Variants in LRRTM4 observed in about 807,000 individuals in gnomAD.
LRRTM4 encodes the protein leucine-rich repeat transmembrane neuronal protein 4.
In LRRTM4, 25 loss-of-function variants were observed where a neutral mutation model predicts 47.6. That is an observed-to-expected ratio of 0.53 (90% CI 0.38 to 0.73). LRRTM4 has a LOEUF of 0.73. Ranked by LOEUF, LRRTM4 falls within the 30% of genes least tolerant of loss-of-function variation. The pLI is 0.00. For synonymous variants in LRRTM4, 311 were observed against 269.5 expected (o/e 1.15, Z -1.51); for missense variants, 638 against 713.4 (o/e 0.89, Z 1.20).
chr2:77,166,468 A>G (rs556771389), intron 3 of LRRTM4, among the ~76,000 whole-genome samples: 1 of 152,172 alleles, frequency 6.6e-6, no homozygotes, highest in African/African-American at 2.4e-5. Flanking sequence ...TAAAGTTCAT[A>G]TGGAAGCAAA....
intron 3 of LRRTM4, among the ~76,000 whole-genome samples, chr2:77,358,482 C>G (rs1162568481): frequency 6.6e-6 from 1 of 152,162 alleles, no homozygotes; most frequent in Non-Finnish European, 1.5e-5. Flanking sequence ...CCAAACACCT[C>G]TCATTAGGCC....
chr2:77,425,244 C>G (rs1055684029), intron 3 of LRRTM4, among the ~76,000 whole-genome samples: 1 of 152,122 alleles, frequency 6.6e-6, no homozygotes, highest in African/African-American at 2.4e-5. Context: ...CTTGTAAGAA[C>G]TCTCTGTATT....
intron 3 of LRRTM4, among the ~76,000 whole-genome samples, chr2:77,121,290 G>A (rs1671515059): frequency 6.6e-6 from 1 of 151,688 alleles, no homozygotes; most frequent in South Asian, 2.1e-4. Flanking sequence ...GCTTTTCATT[G>A]TTATAAAGAT....
At chr2:77,399,199 T>A (rs564167691) in intron 3 of LRRTM4, among the ~76,000 whole-genome samples, 2 of 151,352 alleles carry the variant, frequency 1.3e-5, no homozygotes, top group African/African-American at 4.8e-5. Flanking sequence ...AAAATATTTT[T>A]AAATTAATTA....
chr2:76,861,757 C>G (rs1456513072), intron 3 of LRRTM4, among the ~76,000 whole-genome samples: 1 of 152,138 alleles, frequency 6.6e-6, no homozygotes, highest in Non-Finnish European at 1.5e-5. Flanking sequence ...GCTTATAACT[C>G]CAAATTGGAG....
intron 3 of LRRTM4, among the ~76,000 whole-genome samples, chr2:77,025,550 G>A (rs1019525124): frequency 1.3e-5 from 2 of 152,212 alleles, no homozygotes; most frequent in Non-Finnish European, 1.5e-5. Flanking sequence ...GTCTTGATCT[G>A]TGTTCCTTCC....
At chr2:77,159,538 A>AAAAAAAAAGG (rs1672653751) in intron 3 of LRRTM4, among the ~76,000 whole-genome samples, 1 of 150,096 alleles carries the variant, frequency 6.7e-6, no homozygotes, top group Admixed American at 6.7e-5. Flanking sequence ...AAAAAAAAAG[A>AAAAAAAAAGG]AAAAAAAAGG....
chr2:76,949,764 A>C lies in LRRTM4; in HGVS notation c.1552-200848T>G, dbSNP rs72823113. Among the ~76,000 whole-genome samples the C allele has an allele frequency of 3.4e-4, 51 of 152,024 alleles. 2 individuals are homozygous for C. In the East Asian group the frequency reaches 9.4e-3, roughly 28 times the overall value. On this transcript the variant is annotated intron_variant, in intron 3 of 3. Coordinates refer to ENST00000409884, the MANE Select transcript of LRRTM4 (RefSeq NM_001134745.3). ...TTTGCATCACCAAACACATTAAGAT[A>C]GTTTAAATCACATTATTGATTTTGG...
chr2:77,362,314 A>G (rs1025108240), intron 3 of LRRTM4, among the ~76,000 whole-genome samples: 1 of 152,162 alleles, frequency 6.6e-6, no homozygotes, highest in Non-Finnish European at 1.5e-5. Context: ...TTTCTTGGAC[A>G]GAAGAAGTTC....
At chr2:76,913,493 T>C (rs1293136636) in intron 3 of LRRTM4, among the ~76,000 whole-genome samples, 1 of 151,882 alleles carries the variant, frequency 6.6e-6, no homozygotes, top group Non-Finnish European at 1.5e-5. Flanking sequence ...CATCTGCAAA[T>C]AAGGATAAAC....
intron 3 of LRRTM4, among the ~76,000 whole-genome samples, chr2:76,777,189 G>A (rs1345711831): frequency 2.0e-5 from 3 of 150,874 alleles, no homozygotes; most frequent in Non-Finnish European, 2.9e-5. Context: ...AAGTCAGGGA[G>A]TGTGATGCAT....
chr2:76,956,639 T>A, intron 3 of LRRTM4, among the ~76,000 whole-genome samples: 1 of 148,708 alleles, frequency 6.7e-6, no homozygotes, highest in Non-Finnish European at 1.5e-5. Context: ...AATAGAAAAA[T>A]TAAAATATTA....
intron 3 of LRRTM4, among the ~76,000 whole-genome samples, chr2:76,935,353 T>C (rs1674909086): frequency 1.3e-5 from 2 of 152,180 alleles, no homozygotes; most frequent in African/African-American, 4.8e-5. Flanking sequence ...TGGTTTCATA[T>C]GAAATTTAAA....
Position 77,195,921 on chromosome 2 carries a change from C to T in LRRTM4, c.1551+322397G>A, listed in dbSNP as rs116106690. Among the ~76,000 whole-genome samples, 1,070 of 151,316 alleles carry T rather than the reference C, an allele frequency of 7.1e-3. 13 individuals carry two copies. The highest frequency in any genetic ancestry group is 0.025 in the African/African-American group (1,019 of 41,212). ...TTCATAGAAGAGGTAGTATTTAAAA[C>T]GGATCTTGAAGATTGAATCTACACA... is the stretch of plus-strand genomic sequence containing the variant. On this transcript the variant is annotated intron_variant, in intron 3 of 3. Transcript: ENST00000409884.
intron 3 of LRRTM4, among the ~76,000 whole-genome samples, chr2:76,950,146 C>T (rs1333807278): frequency 2.0e-5 from 3 of 151,934 alleles, no homozygotes; most frequent in African/African-American, 7.2e-5. Context: ...CCCTCCCAAA[C>T]ACTTCAGAGC....
intron 3 of LRRTM4, among the ~76,000 whole-genome samples, chr2:76,993,646 C>T (rs183765368): frequency 1.9e-4 from 29 of 151,974 alleles, no homozygotes; most frequent in Admixed American, 8.5e-4. Flanking sequence ...AATGCTTATA[C>T]GCTCTTCATG....
chr2:76,957,784 A>G (rs917933494), intron 3 of LRRTM4, among the ~76,000 whole-genome samples: 8 of 151,848 alleles, frequency 5.3e-5, no homozygotes, highest in Middle Eastern at 3.4e-3. Flanking sequence ...AAAGTTTCTC[A>G]TAATGGCACA....
At chr2:77,441,632 A>G (rs1675845827) in intron 3 of LRRTM4, among the ~76,000 whole-genome samples, 1 of 152,196 alleles carries the variant, frequency 6.6e-6, no homozygotes, top group Non-Finnish European at 1.5e-5. Flanking sequence ...AAAGAAATAA[A>G]CATTGCAAAG....
At chr2:76,785,235 G>GCAGTACTTGTATTGAGAAAATAATTTTCT (rs1674610189) in intron 3 of LRRTM4, among the ~76,000 whole-genome samples, 1 of 152,082 alleles carries the variant, frequency 6.6e-6, no homozygotes, top group African/African-American at 2.4e-5. Flanking sequence ...TAACTGATTT[G>GCAGTACTTGTATTGAGAAAATAATTTTCT]CAGTACTTGT....
Sources: gnomAD v4.1 joint callset for allele counts (sites outside exome capture counted in the v4.1 genomes callset) on GRCh38, gnomAD v4.1.1 for gene constraint, MANE v1.5 for transcripts, NCBI Gene and HGNC (gene_info 2026-07-23, HGNC 2026-07-21) for gene names.